RBFOX3: variants seen among roughly 807,000 people sequenced by gnomAD.
RBFOX3 encodes the protein RNA binding protein fox-1 homolog 3.
RBFOX3 carries 17 observed loss-of-function variants against 48.7 expected under a neutral mutation model. The observed-to-expected ratio is 0.35, with a 90% CI of 0.24 to 0.52. The LOEUF (loss-of-function observed/expected upper bound fraction) is 0.52. RBFOX3 is among the 20% of genes least tolerant of loss of function. The probability of loss-of-function intolerance (pLI) is 0.94; values close to 1 mark genes in which losing one functional copy is unlikely to be tolerated. For synonymous variants in RBFOX3, 212 were observed against 209.5 expected (o/e 1.01, Z -0.10); for missense variants, 382 against 497.5 (o/e 0.77, Z 2.21).
At chr17:79,141,666 T>TG (rs1192226749) in intron 4 of RBFOX3, among the ~76,000 whole-genome samples, 2 of 152,242 alleles carry the variant, frequency 1.3e-5, no homozygotes, top group East Asian at 3.9e-4. Flanking sequence ...CCTGAGAAGT[T>TG]GGGGGTCCCT....
At chr17:79,589,205 C>A (rs962327617) in intron 1 of RBFOX3, among the ~76,000 whole-genome samples, 1 of 152,208 alleles carries the variant, frequency 6.6e-6, no homozygotes, top group Admixed American at 6.5e-5. Flanking sequence ...CAGCATGAAT[C>A]CTCTTGCGCT....
chr17:79,527,992 C>T (rs1408078865), intron 1 of RBFOX3, among the ~76,000 whole-genome samples: 2 of 152,230 alleles, frequency 1.3e-5, no homozygotes, highest in African/African-American at 4.8e-5. Flanking sequence ...ACAAAAGACA[C>T]GTCAAAGCCC....
chr17:79,108,857 C>T (rs2077946651), intron 5 of RBFOX3, among the ~76,000 whole-genome samples: 1 of 152,250 alleles, frequency 6.6e-6, no homozygotes, highest in Non-Finnish European at 1.5e-5. Context: ...GCGACAGCCC[C>T]TGGCACTGGC....
At chr17:79,538,190 G>T (rs1199313000) in intron 1 of RBFOX3, among the ~76,000 whole-genome samples, 5 of 152,222 alleles carry the variant, frequency 3.3e-5, no homozygotes, top group African/African-American at 1.2e-4. Flanking sequence ...CCAGGCTGTT[G>T]TGAATACATG....
At chr17:79,159,567 C>T (rs1316919218) in intron 4 of RBFOX3, among the ~76,000 whole-genome samples, 4 of 152,196 alleles carry the variant, frequency 2.6e-5, no homozygotes, top group African/African-American at 9.7e-5. Flanking sequence ...TGGGAAAATG[C>T]TCACCTGGTC....
At chr17:79,573,481 G>A (rs1212454291) in intron 1 of RBFOX3, among the ~76,000 whole-genome samples, 1 of 152,150 alleles carries the variant, frequency 6.6e-6, no homozygotes, top group African/African-American at 2.4e-5. Context: ...CCACGGCCCT[G>A]GAGACACTCT....
rs138222400 is a variant in RBFOX3 at position 79,311,682 on chromosome 17, G to C, written c.-174-3858C>G. Among the ~76,000 whole-genome samples the C allele has an allele frequency of 1.8e-4, 27 of 152,242 alleles. No individual in the cohort carries two copies. The highest frequency in any genetic ancestry group is 4.2e-4 in the South Asian group (2 of 4,814). On this transcript the variant is annotated intron_variant, in intron 2 of 14. Coordinates refer to ENST00000693108, the MANE Select transcript of RBFOX3 (RefSeq NM_001350451.2). This position sits in a 1 kb window ranked among gnomAD's most constrained non-coding sequence, Gnocchi z 4.2. ...TCAGGCCCTCTGGGGTCTCTCGCAG[G>C]TTGGGCTCCTGGAGCTGACTCTGTC...
chr17:79,621,487 G>A, the RBFOX3 span, among the ~76,000 whole-genome samples: 6 of 152,178 alleles, frequency 3.9e-5, no homozygotes, highest in Admixed American at 1.3e-4. Flanking sequence ...GTAAAAGCAC[G>A]TCTCTACCAA....
intron 2 of RBFOX3, among the ~76,000 whole-genome samples, chr17:79,428,487 G>A (rs2067802299): frequency 6.6e-6 from 1 of 152,222 alleles, no homozygotes; most frequent in Non-Finnish European, 1.5e-5. Context: ...CTTTTTACTT[G>A]TCCCTAACAC....
At chr17:79,106,390 G>C (rs2077371039) in intron 6 of RBFOX3, among the ~76,000 whole-genome samples, 1 of 152,098 alleles carries the variant, frequency 6.6e-6, no homozygotes, top group South Asian at 2.1e-4. Flanking sequence ...AGGAGGGGTG[G>C]GGTTTGAGGG....
At chr17:79,551,894 TA>T (rs1599132167) in intron 1 of RBFOX3, among the ~76,000 whole-genome samples, 1 of 152,198 alleles carries the variant, frequency 6.6e-6, no homozygotes, top group African/African-American at 2.4e-5. Flanking sequence ...CTGTTCTTTA[TA>T]AATTACTCAG....
Position 79,413,468 on chromosome 17 carries a change from C to T in RBFOX3, c.-175+68986G>A, listed in dbSNP as rs185681780. ...ACACCTGGGCTACTGGGGCCCCCCA[C>T]AAACAGCAGGGAATCCCTGGAGCCA... On this transcript the variant is annotated intron_variant, in intron 2 of 14. Coordinates refer to ENST00000693108, the MANE Select transcript of RBFOX3 (RefSeq NM_001350451.2). Among the ~76,000 whole-genome samples, 256 of 152,356 alleles carry T rather than the reference C, an allele frequency of 1.7e-3. 2 individuals carry two copies. The highest frequency in any genetic ancestry group is 5.6e-3 in the African/African-American group (234 of 41,592).
intron 2 of RBFOX3, among the ~76,000 whole-genome samples, chr17:79,412,568 GTA>G (rs569723146): frequency 1.1e-3 from 165 of 143,562 alleles, no homozygotes; most frequent in Non-Finnish European, 1.7e-3. Flanking sequence ...GTGCTGTGTG[GTA>G]TGTGTGTGTA....
chr17:79,314,517 C>A (rs1418675837), intron 2 of RBFOX3, among the ~76,000 whole-genome samples: 2 of 152,172 alleles, frequency 1.3e-5, no homozygotes, highest in Admixed American at 1.3e-4. Context: ...AGACAGCCAC[C>A]AAGACTCTCA....
the RBFOX3 span, among the ~76,000 whole-genome samples, chr17:79,628,403 A>T: frequency 6.6e-6 from 1 of 152,174 alleles, no homozygotes; most frequent in South Asian, 2.1e-4. Flanking sequence ...GGGCTAACAC[A>T]GGAAATTAGG....
intron 3 of RBFOX3, among the ~76,000 whole-genome samples, chr17:79,286,039 C>A (rs2071790061): frequency 6.6e-6 from 1 of 152,194 alleles, no homozygotes; most frequent in Non-Finnish European, 1.5e-5. Flanking sequence ...AGTCAATGGG[C>A]AGAATGGCTG....
At position 79,258,660 on chromosome 17, in the gene RBFOX3, A is replaced by T. The variant is rs374318527; in HGVS notation, c.-73-22855T>A. Among the ~76,000 whole-genome samples the T allele has an allele frequency of 3.3e-5, 5 of 152,164 alleles. No homozygotes were observed. The East Asian group carries it at 7.7e-4, about 23-fold the overall frequency. ...CAGGGAACGTGGCGAAGTTCTTCTC[A>T]GGTGCACCCAGCAAGAGAGATGGAC... On this transcript the variant is annotated intron_variant, in intron 3 of 14. Transcript: ENST00000693108.
chr17:79,663,433 T>C, the RBFOX3 span, among the ~76,000 whole-genome samples: 2 of 152,210 alleles, frequency 1.3e-5, no homozygotes, highest in African/African-American at 4.8e-5. Context: ...GAAGTCATCC[T>C]GGGCTGAGGC....
At chr17:79,537,120 A>AAC (rs1555788911) in intron 1 of RBFOX3, among the ~76,000 whole-genome samples, 9 of 143,004 alleles carry the variant, frequency 6.3e-5, no homozygotes, top group South Asian at 4.5e-4. Flanking sequence ...CAAAAAACAA[A>AAC]AAAAAAAAAA....
Sources: allele counts gnomAD v4.1 joint callset (sites outside exome capture counted in the v4.1 genomes callset), GRCh38; gene constraint gnomAD v4.1.1; non-coding constraint Gnocchi (gnomAD v3.1); transcripts MANE v1.5; gene names NCBI Gene and HGNC (gene_info 2026-07-23, HGNC 2026-07-21).